The following COPS3 variants were observed in gnomAD, a reference collection of about 807,000 sequenced individuals.
COPS3 encodes the protein COP9 signalosome complex subunit 3.
Under a neutral mutation model 58.2 loss-of-function variants are expected in COPS3, and 10 were observed. That is an observed-to-expected ratio of 0.17 (90% CI 0.11 to 0.29). The LOEUF (loss-of-function observed/expected upper bound fraction) is 0.29. Ranked by LOEUF, COPS3 falls within the 10% of genes least tolerant of loss-of-function variation. The pLI, the probability that COPS3 is intolerant of heterozygous loss-of-function variation, is 1.00. For synonymous variants in COPS3, 187 were observed against 181.7 expected (o/e 1.03, Z -0.24); for missense variants, 333 against 510.1 (o/e 0.65, Z 3.34).
chr17:17,280,208 C>G (rs2048545159), intron 1 of COPS3, among the ~76,000 whole-genome samples: 1 of 152,166 alleles, frequency 6.6e-6, no homozygotes, highest in Non-Finnish European at 1.5e-5. Context: ...GATCAAGGTT[C>G]GAGACCAGCC....
chr17:17,252,139 T>A (rs2047860372), intron 9 of COPS3, among the ~76,000 whole-genome samples: 2 of 152,086 alleles, frequency 1.3e-5, no homozygotes, highest in Non-Finnish European at 2.9e-5. Flanking sequence ...ACAAGGGATA[T>A]TTTCCGGGTG....
At chr17:17,254,422 T>C (rs763224700) in intron 9 of COPS3, among the ~76,000 whole-genome samples, 10 of 152,132 alleles carry the variant, frequency 6.6e-5, no homozygotes, top group Admixed American at 6.6e-5. Flanking sequence ...TGGTAGACTT[T>C]GGAGGCTCCC....
chr17:17,247,232 C>T (rs2047743868), intron 11 of COPS3, 81 bp from the exon 12 acceptor site: 2 of 1,316,002 alleles, frequency 1.5e-6, no homozygotes, highest in South Asian at 2.4e-5. Flanking sequence ...ACACCAGTTG[C>T]CCTGTCCCTC....
intron 8 of COPS3, among the ~76,000 whole-genome samples, chr17:17,258,592 C>CA (rs2048029337): frequency 6.6e-6 from 1 of 151,876 alleles, no homozygotes; most frequent in South Asian, 2.1e-4. Flanking sequence ...TAGTCACAAA[C>CA]AGAGTTTGTG....
Position 17,271,008 on chromosome 17 carries a change from C to T in COPS3, c.186G>A (p.Leu62=), listed in dbSNP as rs747624220. ...CACTGGGCATAGAAAACTTCACAAA[C>T]CTAGAATAAGGAGAAAAGAATCAAA... is the stretch of plus-strand genomic sequence containing the variant. ...QEHSLGVLAV[L]FVKFSMPSVP... The change falls in exon 3 of 12, where the codon TTG becomes TTA. Residue 62 remains leucine (L), a splice_region_variant and synonymous_variant. Transcript: ENST00000268717. The T allele has an allele frequency of 1.9e-6, 3 of 1,606,584 alleles. No individual in the cohort carries two copies. Among genetic ancestry groups the T allele is most frequent in the African/African-American group, 1.3e-5 (1 of 74,686 alleles).
chr17:17,262,180 C>A, intron 6 of COPS3, 74 bp from the exon 7 acceptor site: 1 of 1,338,206 alleles, frequency 7.5e-7, no homozygotes, highest in African/African-American at 1.5e-5. Flanking sequence ...ACATGTATCA[C>A]ATTAATTATA....
At chr17:17,252,175 A>G (rs964240827) in intron 9 of COPS3, among the ~76,000 whole-genome samples, 1 of 152,114 alleles carries the variant, frequency 6.6e-6, no homozygotes, top group Non-Finnish European at 1.5e-5. Context: ...TCCTTCTTCT[A>G]GGTGTTGGAA....
At position 17,250,853 on chromosome 17, in the gene COPS3, T is replaced by C. The variant is rs899070220; in HGVS notation, c.1024-1814A>G. Among the ~76,000 whole-genome samples the C allele has an allele frequency of 1.2e-4, 18 of 152,328 alleles. No individual in the cohort carries two copies. The South Asian group carries it at 2.3e-3, about 19-fold the overall frequency. Reference sequence around the variant, plus strand: ...CCCAATACATATTATACAAAATGCATAGTTCTCTATGTGATCACAGAGAGC... The same window carrying C: ...CCCAATACATATTATACAAAATGCACAGTTCTCTATGTGATCACAGAGAGC... On this transcript the variant is annotated intron_variant, in intron 9 of 11. Transcript: ENST00000268717.
chr17:17,248,683 G>T (rs867226682), intron 10 of COPS3, among the ~76,000 whole-genome samples: 5 of 152,076 alleles, frequency 3.3e-5, no homozygotes, highest in African/African-American at 1.2e-4. Context: ...TTGAGACAGA[G>T]TCTTGCTCTG....
chr17:17,260,216 T>C (rs1269675445), intron 8 of COPS3, 85 bp downstream of exon 8: 2 of 1,326,086 alleles, frequency 1.5e-6, no homozygotes, highest in Non-Finnish European at 2.1e-6. Flanking sequence ...CTGTACCTGC[T>C]TCCTCAGCTC....
In COPS3 at chr17:17,248,610, C is replaced by T. The variant is rs987153648; in HGVS notation, c.1137+316G>A. Among the ~76,000 whole-genome samples the T allele has an allele frequency of 2.0e-5, 3 of 152,278 alleles. No individual in the cohort carries two copies. The South Asian group carries it at 6.2e-4, about 32-fold the overall frequency. On this transcript the variant is annotated intron_variant, in intron 10 of 11. Transcript: ENST00000268717. ...GGGATTACAGGCATGAGCCACCACA[C>T]CCAGCCTGGAAGAGTTTTAAGCAGC...
intron 8 of COPS3, among the ~76,000 whole-genome samples, chr17:17,259,872 C>T (rs960945698): frequency 6.7e-6 from 1 of 148,574 alleles, no homozygotes; most frequent in East Asian, 2.0e-4. Flanking sequence ...CCAGCCTGGG[C>T]AACAGAGCAA....
chr17:17,252,473 C>CAGA (rs1555616702), intron 9 of COPS3, among the ~76,000 whole-genome samples: 4 of 152,062 alleles, frequency 2.6e-5, no homozygotes, highest in South Asian at 2.1e-4. Context: ...GTCCTGGGCA[C>CAGA]TGCAGGACGT....
intron 2 of COPS3, among the ~76,000 whole-genome samples, chr17:17,272,280 G>A (rs1456051670): frequency 2.0e-5 from 3 of 152,162 alleles, no homozygotes; most frequent in Non-Finnish European, 4.4e-5. Context: ...AAAATTAGCC[G>A]GGCGTGGTGG....
At chr17:17,262,180 C>T (rs2048115853) in intron 6 of COPS3, 74 bp from the exon 7 acceptor site, 3 of 1,338,090 alleles carry the variant, frequency 2.2e-6, no homozygotes, top group African/African-American at 1.5e-5. Context: ...ACATGTATCA[C>T]ATTAATTATA....
chr17:17,248,528 G>A, intron 10 of COPS3, among the ~76,000 whole-genome samples: 1 of 152,096 alleles, frequency 6.6e-6, no homozygotes, highest in East Asian at 1.9e-4. Context: ...TGTTGGGCAG[G>A]CTGGTCTTGA....
chr17:17,279,550 G>C (rs1228103001), intron 1 of COPS3, among the ~76,000 whole-genome samples: 2 of 152,264 alleles, frequency 1.3e-5, no homozygotes, highest in Non-Finnish European at 2.9e-5. Context: ...TTCTTATTAA[G>C]TGCAGCTCCA....
At chr17:17,263,152 G>A (rs894193494) in intron 6 of COPS3, among the ~76,000 whole-genome samples, 3 of 151,764 alleles carry the variant, frequency 2.0e-5, no homozygotes, top group Non-Finnish European at 4.4e-5. Flanking sequence ...GCCAGGTGTG[G>A]TGGCAGGCAC....
At chr17:17,249,359 T>C (rs918292832) in intron 9 of COPS3, among the ~76,000 whole-genome samples, 2 of 152,186 alleles carry the variant, frequency 1.3e-5, no homozygotes, top group African/African-American at 4.8e-5. Flanking sequence ...GGAGTCTCGC[T>C]GTCCCCCAGG....
Sources: allele counts gnomAD v4.1 joint callset (sites outside exome capture counted in the v4.1 genomes callset), GRCh38; gene constraint gnomAD v4.1.1; transcripts MANE v1.5; gene names NCBI Gene and HGNC (gene_info 2026-07-23, HGNC 2026-07-21).